Variants in NDOR1 observed in about 807,000 individuals in gnomAD.
NDOR1 encodes the protein NADPH-dependent diflavin oxidoreductase 1.
In NDOR1, 61 loss-of-function variants were observed where a neutral mutation model predicts 67.2. The observed-to-expected ratio is 0.91, with a 90% CI of 0.74 to 1.12. The LOEUF (loss-of-function observed/expected upper bound fraction) is 1.12. Among genes scored for constraint, NDOR1 ranks in the 50% most tolerant of loss-of-function variants. NDOR1 has a pLI of 0.00. For missense variants in NDOR1, 878 were observed against 802.8 expected (o/e 1.09, Z -1.13); for synonymous variants, 378 against 343.7 (o/e 1.10, Z -1.10).
chr9:137,214,829 C>G lies in NDOR1; in HGVS notation c.876C>G (p.Pro292=). 6.2e-7 allele frequency: 1 copy of G among 1,607,858 alleles called. No homozygotes were observed. Among genetic ancestry groups the G allele is most frequent in the Non-Finnish European group, 8.5e-7 (1 of 1,179,980 alleles). The part of the protein sequence containing the change: ...DVSSPTRLPQ[P]CSMRHLVSHY... ...CCTCCCCCACGAGGCTGCCCCAGCCCTGCTCCATGCGGCACCTCGTGTCCC... is the reference window on the plus strand; with the variant it reads ...CCTCCCCCACGAGGCTGCCCCAGCCGTGCTCCATGCGGCACCTCGTGTCCC... Residue 292 remains proline (P), a synonymous_variant, in exon 8 of 14, where the codon CCC becomes CCG. Coordinates refer to ENST00000684003, the MANE Select transcript of NDOR1 (RefSeq NM_014434.4).
In NDOR1 at chr9:137,205,840, G is replaced by A. The variant is rs759211803; in HGVS notation, c.63G>A (p.Ser21=). ...GSQTGTAQDV[S]ERLGREARRR... Reference sequence around the variant, plus strand: ...AGACAGGCACGGCTCAGGATGTGTCGGAGAGACTGGGTCGCGAGGCCCGGC... The same window carrying A: ...AGACAGGCACGGCTCAGGATGTGTCAGAGAGACTGGGTCGCGAGGCCCGGC... The change falls in exon 1 of 14, where the codon TCG becomes TCA. Residue 21 remains serine, a synonymous_variant. Transcript: ENST00000684003. 1.2e-6 allele frequency: 2 copies of A among 1,604,412 alleles called. No homozygotes were observed.
intron 1 of NDOR1, 30 bp from the exon 2 acceptor site, chr9:137,206,202 G>A (rs1224888906): frequency 6.2e-7 from 1 of 1,613,472 alleles, no homozygotes; most frequent in Non-Finnish European, 8.5e-7. Flanking sequence ...TACAGCCGGA[G>A]GTCTTACGTG....
rs565380636 is a variant in NDOR1, at chr9:137,209,628, C to T, written c.214-2874C>T. On this transcript the variant is annotated intron_variant, in intron 2 of 13. Transcript: ENST00000684003. ...GGCAGGGGCGAGTCTTAGTGGCTAT[C>T]CATAGCTAAACCAGAGGACCCTGGC... 4.6e-5 allele frequency among the ~76,000 whole-genome samples: 7 copies of T among 152,300 alleles called. No individual in the cohort carries two copies. In the South Asian group the frequency reaches 1.5e-3, roughly 32 times the overall value.
At chr9:137,206,820 A>T (rs1045832524) in intron 2 of NDOR1, among the ~76,000 whole-genome samples, 34 of 152,180 alleles carry the variant, frequency 2.2e-4, no homozygotes, top group African/African-American at 6.8e-4. Context: ...AGGGGCATCG[A>T]GCCTTATCTC....
chr9:137,206,106 G>A, intron 1 of NDOR1, 126 bp from the exon 2 acceptor site: 4 of 1,448,686 alleles, frequency 2.8e-6, no homozygotes, highest in Non-Finnish European at 3.9e-6. Flanking sequence ...AAGAGAAGAC[G>A]GTCTGGCTGC....
At chr9:137,209,886 G>GT (rs998391925) in intron 2 of NDOR1, among the ~76,000 whole-genome samples, 1 of 152,260 alleles carries the variant, frequency 6.6e-6, no homozygotes, top group Non-Finnish European at 1.5e-5. Flanking sequence ...GAGGTCAGGA[G>GT]TTTGAGACCA....
chr9:137,211,979 G>A (rs1835283141), intron 2 of NDOR1, among the ~76,000 whole-genome samples: 1 of 152,136 alleles, frequency 6.6e-6, no homozygotes, highest in African/African-American at 2.4e-5. Flanking sequence ...ACGGAAGGAG[G>A]GGGATGTGTC....
In NDOR1 at chr9:137,215,122, G is replaced by A; in HGVS notation, c.1093G>A (p.Ala365Thr). ...EVLCDFPHTA[A>T]AIPPDYLLDL... ...GCTCTGTGACTTCCCGCACACAGCT[G>A]CCGCCATCCCTCCCGACTACCTGTT... The change falls in exon 9 of 14, where the codon GCC (alanine) becomes ACC (threonine). Residue 365 changes from alanine (A) to threonine (T), a missense_variant. Ala to Thr is a moderately conservative substitution (Grantham distance 58). Coordinates refer to ENST00000684003, the MANE Select transcript of NDOR1 (RefSeq NM_014434.4). 1.2e-6 allele frequency: 2 copies of A among 1,613,710 alleles called. No individual in the cohort carries two copies. Among genetic ancestry groups the A allele is most frequent in the Non-Finnish European group, 8.5e-7 (1 of 1,179,966 alleles).
In NDOR1 at chr9:137,214,552, G is replaced by T; in HGVS notation, c.723-18G>T. The T allele has an allele frequency of 6.2e-7, 1 of 1,611,064 alleles. No individual in the cohort carries two copies. Among genetic ancestry groups the T allele is most frequent in the Non-Finnish European group, 8.5e-7 (1 of 1,179,928 alleles). The stretch of plus-strand genomic sequence containing the variant: ...TCCCTGCGGCGTCCCCACAGCCCTG[G>T]TGGCTTCTTCCACACAGCTTTGCTG... On this transcript the variant is annotated intron_variant, in intron 6 of 13. Transcript: ENST00000684003.
intron 2 of NDOR1, among the ~76,000 whole-genome samples, chr9:137,209,196 T>A (rs894972272): frequency 3.3e-5 from 5 of 152,082 alleles, no homozygotes; most frequent in African/African-American, 1.2e-4. Flanking sequence ...TTGGCATGTT[T>A]AATTGCTGGC....
Position 137,215,184 on chromosome 9 carries a change from C to T in NDOR1, c.1155C>T (p.Ser385=), listed in dbSNP as rs1235672671. 2.5e-6 allele frequency: 4 copies of T among 1,612,380 alleles called. No individual in the cohort carries two copies. The highest frequency in any genetic ancestry group is 3.4e-6 in the Non-Finnish European group (4 of 1,179,794). Residue 385 remains serine (S), a synonymous_variant, in exon 9 of 14, where the codon TCC becomes TCT. Transcript: ENST00000684003. ...LIPVIRPRAF[S]IASSLLTHPS... ...CCGTTATCCGGCCGAGGGCCTTCTCCATCGCCTCCTCGCTGCTGGTGAGGG... is the reference window on the plus strand; with the variant it reads ...CCGTTATCCGGCCGAGGGCCTTCTCTATCGCCTCCTCGCTGCTGGTGAGGG...
In NDOR1 at chr9:137,206,362, G is replaced by A. The variant is rs1004095692; in HGVS notation, c.213+53G>A. The A allele has an allele frequency of 1.2e-5, 19 of 1,570,008 alleles. No homozygotes were observed. In the Middle Eastern group the frequency reaches 5.0e-4, roughly 42 times the overall value. On this transcript the variant is annotated intron_variant, in intron 2 of 13. Coordinates refer to ENST00000684003, the MANE Select transcript of NDOR1 (RefSeq NM_014434.4). Reference sequence around the variant, plus strand: ...GATCCCTGCCCTCGACCCTCACCCCGTTTTCATTGCCTGGCGTCTAGGTGC... The same window carrying A: ...GATCCCTGCCCTCGACCCTCACCCCATTTTCATTGCCTGGCGTCTAGGTGC...
Position 137,215,516 on chromosome 9 carries a change from G to T in NDOR1, c.1283G>T (p.Gly428Val). 1 of 1,613,224 alleles carries T rather than the reference G, an allele frequency of 6.2e-7. No individual in the cohort carries two copies. Among genetic ancestry groups the T allele is most frequent in the Non-Finnish European group, 8.5e-7 (1 of 1,179,962 alleles). ...CSSWLASLDP[G>V]QGPVRVPLWV... ...TCCTGGCTGGCATCCCTGGACCCTG[G>T]GCAAGGTGACCCCTGCTCCCAGGGT... Residue 428 changes from glycine to valine, a missense_variant, in exon 10 of 14, where the codon GGG (glycine) becomes GTG (valine). Transcript: ENST00000684003.
In NDOR1 at chr9:137,206,276, T is replaced by C; in HGVS notation, c.180T>C (p.Thr60=). The stretch of plus-strand genomic sequence containing the variant: ...CCCTGGTGATATTTGTTTGTGCAAC[T>C]ACAGGCCAAGGAGACCCCCCTGACA... ...NEPLVIFVCA[T]TGQGDPPDNM... Residue 60 remains threonine, a synonymous_variant, in exon 2 of 14, where the codon ACT becomes ACC. Coordinates refer to ENST00000684003, the MANE Select transcript of NDOR1 (RefSeq NM_014434.4). 1 of 1,613,964 alleles carries C rather than the reference T, an allele frequency of 6.2e-7. No homozygotes were observed. The highest frequency in any genetic ancestry group is 2.2e-5 in the East Asian group (1 of 44,876).
chr9:137,207,222 C>G (rs745505077), intron 2 of NDOR1, among the ~76,000 whole-genome samples: 2 of 151,768 alleles, frequency 1.3e-5, no homozygotes, highest in African/African-American at 4.8e-5. Context: ...CAGATGCTAC[C>G]GATCTGAGCT....
rs749903331 is a variant in NDOR1 at position 137,214,782 on chromosome 9, C to T, written c.845-16C>T. 8.8e-6 allele frequency: 14 copies of T among 1,598,856 alleles called. No homozygotes were observed. Among genetic ancestry groups the T allele is most frequent in the Non-Finnish European group, 1.1e-5 (13 of 1,176,712 alleles). On this transcript the variant is annotated splice_polypyrimidine_tract_variant and intron_variant, in intron 7 of 13. Coordinates refer to ENST00000684003, the MANE Select transcript of NDOR1 (RefSeq NM_014434.4). Reference sequence around the variant, plus strand: ...GCTCCGCCGCAGCCCACGGAGGCCTCCCACTCACCCTGCAGATGTCTCCTC... The same window carrying T: ...GCTCCGCCGCAGCCCACGGAGGCCTTCCACTCACCCTGCAGATGTCTCCTC...
Position 137,212,811 on chromosome 9 carries a change from A to C in NDOR1, c.311+212A>C. 1.8e-6 allele frequency: 1 copy of C among 560,406 alleles called. No individual in the cohort carries two copies. The highest frequency in any genetic ancestry group is 3.2e-6 in the Non-Finnish European group (1 of 312,066). The allele number at this position is 560,406 out of a possible 1,614,324, so 34.7% of individuals were successfully genotyped here. A position where few individuals can be genotyped will look rare whatever the true frequency, so the allele number is the denominator to read the frequency against. ...CAGAGGGGAGCAGGCAGGGTGGCAAAGGGCTGGGCTCCAGCCACGCTGACG... is the reference window on the plus strand; with the variant it reads ...CAGAGGGGAGCAGGCAGGGTGGCAACGGGCTGGGCTCCAGCCACGCTGACG... On this transcript the variant is annotated intron_variant, in intron 3 of 13. Coordinates refer to ENST00000684003, the MANE Select transcript of NDOR1 (RefSeq NM_014434.4). This position sits in a 1 kb window ranked among gnomAD's most constrained non-coding sequence, Gnocchi z 4.3.
intron 2 of NDOR1, among the ~76,000 whole-genome samples, chr9:137,210,247 G>A (rs1835186896): frequency 6.6e-6 from 1 of 152,172 alleles, no homozygotes; most frequent in Non-Finnish European, 1.5e-5. Context: ...TGGAGACAGA[G>A]CTCTTGCTCT....
Position 137,218,514 on chromosome 9 carries a change from C to G in NDOR1, c.*2098C>G. 2.5e-6 allele frequency: 1 copy of G among 400,578 alleles called. No homozygotes were observed. 24.8% of individuals were successfully genotyped at this position (400,578 alleles called of 1,614,324 possible). A position where few individuals can be genotyped will look rare whatever the true frequency, so the allele number is the denominator to read the frequency against. Reference sequence around the variant, plus strand: ...CGCCTGGCGCTGCTGAGCCTGCTGGCCCTTGAGCTTCTGGGGCTGCTGCTG... The same window carrying G: ...CGCCTGGCGCTGCTGAGCCTGCTGGGCCTTGAGCTTCTGGGGCTGCTGCTG... On this transcript the variant is annotated 3_prime_UTR_variant, in exon 14 of 14. Coordinates refer to ENST00000684003, the MANE Select transcript of NDOR1 (RefSeq NM_014434.4).
Sources: allele counts gnomAD v4.1 joint callset (sites outside exome capture counted in the v4.1 genomes callset), GRCh38; gene constraint gnomAD v4.1.1; non-coding constraint Gnocchi (gnomAD v3.1); transcripts MANE v1.5; gene names NCBI Gene and HGNC (gene_info 2026-07-23, HGNC 2026-07-21).